DLG2: variants seen among roughly 807,000 people sequenced by gnomAD.
The protein encoded by DLG2 is discs large MAGUK scaffold protein 2.
In DLG2, 45 loss-of-function variants were observed where a neutral mutation model predicts 132.5. The observed-to-expected ratio is 0.34, with a 90% CI of 0.27 to 0.44. The LOEUF (loss-of-function observed/expected upper bound fraction) is 0.44. DLG2 is among the 20% of genes least tolerant of loss of function. The pLI is 1.00. For missense variants in DLG2, 1,045 were observed against 1,196.9 expected, an observed-to-expected ratio of 0.87 and a Z score of 1.87; for synonymous variants, 424 against 419.6, an observed-to-expected ratio of 1.01 and a Z score of -0.13.
At position 83,459,783 on chromosome 11, in the gene DLG2, G is replaced by T; in HGVS notation, c.*35C>A. 2 of 1,120,498 alleles carry T rather than the reference G, an allele frequency of 1.8e-6. No homozygotes were observed. Among genetic ancestry groups the T allele is most frequent in the Non-Finnish European group, 2.7e-6 (2 of 732,442 alleles). 69.4% of individuals were successfully genotyped at this position (1,120,498 alleles called of 1,614,324 possible). A position where few individuals can be genotyped will look rare whatever the true frequency, so the allele number is the denominator to read the frequency against. ...TTATATATATTTTGTTCTTCTAAATGCTCTTCTGTCGTTGTCAGAGGCGCA... is the reference window on the plus strand; with the variant it reads ...TTATATATATTTTGTTCTTCTAAATTCTCTTCTGTCGTTGTCAGAGGCGCA... On this transcript the variant is annotated 3_prime_UTR_variant, in exon 28 of 28. Coordinates refer to ENST00000376104, the MANE Select transcript of DLG2 (RefSeq NM_001142699.3).
intron 3 of DLG2, among the ~76,000 whole-genome samples, chr11:85,533,260 T>G (rs756748056): frequency 1.3e-5 from 2 of 151,866 alleles, no homozygotes; most frequent in Non-Finnish European, 2.9e-5. Flanking sequence ...CTGGCCTCAA[T>G]CGATCCACCC....
chr11:84,784,599 T>C (rs1383089832), intron 6 of DLG2, among the ~76,000 whole-genome samples: 2 of 151,772 alleles, frequency 1.3e-5, no homozygotes, highest in African/African-American at 2.4e-5. Flanking sequence ...TTTCACTTCA[T>C]CTGTAAATAT....
At chr11:83,805,106 T>C (rs1194911264) in intron 17 of DLG2, among the ~76,000 whole-genome samples, 1 of 152,158 alleles carries the variant, frequency 6.6e-6, no homozygotes, top group South Asian at 2.1e-4. Context: ...TCAAAATACA[T>C]GGACCACCAG....
intron 6 of DLG2, among the ~76,000 whole-genome samples, chr11:84,604,921 G>A (rs2099582736): frequency 6.6e-6 from 1 of 151,840 alleles, no homozygotes; most frequent in Non-Finnish European, 1.5e-5. Context: ...CTACTCCCAA[G>A]TGATAATTAT....
intron 3 of DLG2, among the ~76,000 whole-genome samples, chr11:85,518,406 G>T (rs2153171767): frequency 6.6e-6 from 1 of 152,312 alleles, no homozygotes; most frequent in South Asian, 2.1e-4. Flanking sequence ...TTAGCAAAGA[G>T]ATTGGAAGCA....
intron 18 of DLG2, among the ~76,000 whole-genome samples, chr11:83,744,880 C>G (rs1158626084): frequency 6.6e-6 from 1 of 152,190 alleles, no homozygotes; most frequent in Admixed American, 6.5e-5. Context: ...CTGTAGTCAT[C>G]AGATTTTGTT....
intron 7 of DLG2, among the ~76,000 whole-genome samples, chr11:84,507,754 G>A (rs1423035840): frequency 9.2e-5 from 14 of 152,160 alleles, no homozygotes; most frequent in East Asian, 5.8e-4. Context: ...ATTTAATTCC[G>A]TTTATGTGGT....
intron 6 of DLG2, among the ~76,000 whole-genome samples, chr11:84,597,442 A>G (rs531538007): frequency 5.9e-5 from 9 of 152,324 alleles, no homozygotes; most frequent in Admixed American, 1.3e-4. Context: ...TACAAATGCT[A>G]GAATCCAAAA....
intron 6 of DLG2, among the ~76,000 whole-genome samples, chr11:85,035,305 T>C (rs1345070498): frequency 2.6e-5 from 4 of 152,132 alleles, no homozygotes; most frequent in Non-Finnish European, 5.9e-5. Context: ...TCTTGAAAAA[T>C]GGCACTGTAT....
At chr11:84,693,807 T>C (rs1293867628) in intron 6 of DLG2, among the ~76,000 whole-genome samples, 1 of 151,648 alleles carries the variant, frequency 6.6e-6, no homozygotes, top group Non-Finnish European at 1.5e-5. Flanking sequence ...CTGCTTTTAA[T>C]ATACAGTCCC....
chr11:84,078,015 A>G (rs148887128), intron 10 of DLG2, among the ~76,000 whole-genome samples: 2 of 152,198 alleles, frequency 1.3e-5, no homozygotes, highest in African/African-American at 4.8e-5. Context: ...TATGATTATT[A>G]GTGTTATGCA....
At chr11:83,860,685 A>G (rs2061317131) in intron 16 of DLG2, among the ~76,000 whole-genome samples, 1 of 152,094 alleles carries the variant, frequency 6.6e-6, no homozygotes, top group Non-Finnish European at 1.5e-5. Flanking sequence ...GACTGTTGGG[A>G]GGCATGATTG....
intron 6 of DLG2, among the ~76,000 whole-genome samples, chr11:85,053,796 C>CAAAAAAA: frequency 2.2e-5 from 1 of 45,804 alleles, no homozygotes; most frequent in Non-Finnish European, 4.0e-5. Context: ...GACTCTGTCT[C>CAAAAAAA]AAAAAAAAAA....
Position 83,874,463 on chromosome 11 carries a change from G to T in DLG2, c.1522C>A (p.Arg508Ser), listed in dbSNP as rs1353826872. 6.2e-7 allele frequency: 1 copy of T among 1,601,874 alleles called. No homozygotes were observed. The highest frequency in any genetic ancestry group is 1.3e-5 in the African/African-American group (1 of 74,692). ...CGTTGGAGAGTCATTGAAGGCTGAC[G>T]AGTTGCGGTGCTATGTTGGGAATGA... ...TSHSQHSTAT[R>S]QPSMTLQRAV... Residue 508 changes from arginine (R) to serine (S), a missense_variant, in exon 16 of 28, where the codon CGT becomes AGT. By Grantham distance (110) the Arg-to-Ser change is moderately radical. Around this residue, in one of 4 missense-constraint regions of DLG2, gnomAD observed 261 missense variants for 256.1 expected, o/e 1.02. Coordinates refer to ENST00000376104, the MANE Select transcript of DLG2 (RefSeq NM_001142699.3).
chr11:83,607,058 C>T (rs1303186721), intron 19 of DLG2, among the ~76,000 whole-genome samples: 8 of 152,198 alleles, frequency 5.3e-5, no homozygotes, highest in African/African-American at 1.9e-4. Context: ...AGCGCAGCCA[C>T]ATGGTGGCAT....
chr11:85,116,799 G>A (rs2073657140), intron 5 of DLG2, among the ~76,000 whole-genome samples: 1 of 151,920 alleles, frequency 6.6e-6, no homozygotes, highest in Non-Finnish European at 1.5e-5. Flanking sequence ...ACCAACTTGA[G>A]GATCCTGAAT....
intron 6 of DLG2, among the ~76,000 whole-genome samples, chr11:84,619,181 C>G: frequency 6.6e-6 from 1 of 151,778 alleles, no homozygotes; most frequent in Middle Eastern, 3.4e-3. Context: ...AAAAAGTTTT[C>G]TAGATATTAT....
intron 4 of DLG2, among the ~76,000 whole-genome samples, chr11:85,226,204 T>C (rs1404296626): frequency 6.6e-6 from 1 of 151,252 alleles, no homozygotes; most frequent in Non-Finnish European, 1.5e-5. Flanking sequence ...AATATAATTG[T>C]TATATTTAAC....
intron 3 of DLG2, among the ~76,000 whole-genome samples, chr11:85,532,881 TTA>T (rs1443250356): frequency 1.3e-5 from 2 of 152,226 alleles, no homozygotes; most frequent in African/African-American, 4.8e-5. Context: ...GTTCCTTATC[TTA>T]TGTTAAAAAT....
Sources: gnomAD v4.1 joint callset for allele counts (sites outside exome capture counted in the v4.1 genomes callset) on GRCh38, gnomAD v4.1.1 for gene constraint, gnomAD v4.1.1 regional missense constraint, MANE v1.5 for transcripts, NCBI Gene and HGNC (gene_info 2026-07-23, HGNC 2026-07-21) for gene names.